Variants in ETFB observed in about 807,000 individuals in gnomAD.
The protein encoded by ETFB is beta-ETF.
A neutral mutation model predicts 25.6 loss-of-function variants in ETFB; 20 were observed. The ratio of observed to expected loss-of-function variants is 0.78; its 90% CI spans 0.55 to 1.14. ETFB has a LOEUF of 1.14. Ranked by LOEUF, ETFB falls within the 50% of genes most tolerant of loss-of-function variation. The probability of loss-of-function intolerance (pLI) is 0.00; values close to 1 mark genes in which losing one functional copy is unlikely to be tolerated. For synonymous variants in ETFB, 142 were observed against 146.7 expected, an observed-to-expected ratio of 0.97 and a Z score of 0.23; for missense variants, 286 against 342.6, an observed-to-expected ratio of 0.83 and a Z score of 1.30.
chr19:51,360,367 A>G (rs1254974771), intron 1 of ETFB, among the ~76,000 whole-genome samples: 5 of 151,292 alleles, frequency 3.3e-5, no homozygotes, highest in Non-Finnish European at 7.4e-5. Flanking sequence ...ACATCAATGC[A>G]CTCCAGCCTG....
chr19:51,361,309 C>T (rs556965125), intron 1 of ETFB, among the ~76,000 whole-genome samples: 2 of 152,272 alleles, frequency 1.3e-5, no homozygotes, highest in Admixed American at 6.5e-5. Context: ...GTGGTTCTGT[C>T]CTCTAGGCTT....
In ETFB at chr19:51,354,296, G is replaced by C. The variant is rs1241346242; in HGVS notation, c.70C>G (p.Pro24Ala). ...TCCGTGACCACACCGGTCCTGTCAGGCTTCACTCGGATCTGCCCAGCAGGA... is the reference window on the plus strand; with the variant it reads ...TCCGTGACCACACCGGTCCTGTCAGCCTTCACTCGGATCTGCCCAGCAGGA... ...IDYAVKIRVK[P>A]DRTGVVTDGV... is the part of the protein sequence containing the mutation. Residue 24 changes from proline to alanine, a missense_variant, in exon 2 of 6, where the codon CCT becomes GCT. Coordinates refer to ENST00000309244, the MANE Select transcript of ETFB (RefSeq NM_001985.3). 6.2e-7 allele frequency: 1 copy of C among 1,614,180 alleles called. No individual in the cohort carries two copies. Among genetic ancestry groups the C allele is most frequent in the Non-Finnish European group, 8.5e-7 (1 of 1,180,048 alleles).
intron 4 of ETFB, 34 bp downstream of exon 4, chr19:51,350,295 G>C: frequency 3.1e-6 from 5 of 1,599,178 alleles, no homozygotes; most frequent in Non-Finnish European, 3.4e-6. Context: ...ATGAGGGCCT[G>C]GCCCTCAGCA....
In ETFB at chr19:51,366,302, C is replaced by T. The variant is rs1442687835; in HGVS notation, c.25G>A (p.Ala9Thr). ...GCGTAGTCGATGACCCTCTTGACAG[C>T]TACGAGCACGCGCAGCTCCGCCATC... MAELRVLVAVKRVIDYAVK... is the reference protein window; with the variant it reads MAELRVLVTVKRVIDYAVK... The change falls in exon 1 of 6, where the codon GCT (alanine) becomes ACT (threonine). Residue 9 changes from alanine to threonine, a missense_variant. Coordinates refer to ENST00000309244, the MANE Select transcript of ETFB (RefSeq NM_001985.3). 6.2e-7 allele frequency: 1 copy of T among 1,613,696 alleles called. No homozygotes were observed. Among genetic ancestry groups the T allele is most frequent in the East Asian group, 2.2e-5 (1 of 44,870 alleles).
At chr19:51,363,383 A>T (rs1261580001) in intron 1 of ETFB, among the ~76,000 whole-genome samples, 1 of 152,172 alleles carries the variant, frequency 6.6e-6, no homozygotes, top group Non-Finnish European at 1.5e-5. Flanking sequence ...GGATATACCA[A>T]GGCAACCTGA....
intron 1 of ETFB, 54 bp from the exon 2 acceptor site, chr19:51,354,362 G>T: frequency 6.2e-7 from 1 of 1,614,154 alleles, no homozygotes; most frequent in Non-Finnish European, 8.5e-7. Context: ...CAAGAAGGTG[G>T]GGGCCTCAGC....
chr19:51,345,624 G>A (rs983527355), intron 5 of ETFB: 16 of 563,042 alleles, frequency 2.8e-5, no homozygotes, highest in African/African-American at 1.1e-4. Context: ...ACCAAATCAG[G>A]AAGCCCTTCA....
At chr19:51,347,605 C>T (rs913562678) in intron 4 of ETFB, 1 of 156,076 alleles carries the variant, frequency 6.4e-6, no homozygotes, top group Non-Finnish European at 1.4e-5. Context: ...CGTCCTCTAG[C>T]CAGGTCCCTT....
At chr19:51,351,353 A>G (rs1985929460) in intron 3 of ETFB, among the ~76,000 whole-genome samples, 3 of 152,362 alleles carry the variant, frequency 2.0e-5, no homozygotes, top group East Asian at 3.9e-4. Context: ...TACAGCTCAT[A>G]TGTGACCCTG....
At chr19:51,353,054 G>C (rs1297025769) in intron 3 of ETFB, 78 bp downstream of exon 3, 1 of 1,581,744 alleles carries the variant, frequency 6.3e-7, no homozygotes, top group Non-Finnish European at 8.6e-7. Flanking sequence ...GCCAGCTGCT[G>C]TCTCACCCCG....
chr19:51,354,873 C>T, intron 1 of ETFB: 1 of 510,674 alleles, frequency 2.0e-6, no homozygotes, highest in South Asian at 2.2e-5. Flanking sequence ...GGAAAAGTTC[C>T]CTCCCCTTTT....
chr19:51,354,999 C>G (rs1986042660), intron 1 of ETFB: 4 of 293,464 alleles, frequency 1.4e-5, no homozygotes, highest in South Asian at 7.4e-5. Flanking sequence ...TGCCTAAAGA[C>G]GTACCCACAA....
intron 4 of ETFB, chr19:51,347,607 A>G (rs539333329): frequency 9.8e-4 from 153 of 156,046 alleles, no homozygotes; most frequent in Non-Finnish European, 1.7e-3. Flanking sequence ...TCCTCTAGCC[A>G]GGTCCCTTTG....
intron 1 of ETFB, among the ~76,000 whole-genome samples, chr19:51,364,433 C>T (rs752202677): frequency 3.3e-5 from 5 of 152,176 alleles, no homozygotes; most frequent in Non-Finnish European, 7.3e-5. Flanking sequence ...GCGGCCTTCA[C>T]GCTTCCCCTC....
intron 1 of ETFB, among the ~76,000 whole-genome samples, chr19:51,363,257 C>T (rs1239522278): frequency 6.6e-6 from 1 of 151,972 alleles, no homozygotes; most frequent in African/African-American, 2.4e-5. Flanking sequence ...CTGCAGGGAG[C>T]TACCAGCCTG....
At chr19:51,355,294 A>G (rs1336761775) in intron 1 of ETFB, 1 of 152,490 alleles carries the variant, frequency 6.6e-6, no homozygotes, top group Non-Finnish European at 1.5e-5. Flanking sequence ...ATATGAATAG[A>G]CACTTCTCAA....
intron 1 of ETFB, among the ~76,000 whole-genome samples, chr19:51,363,012 C>T (rs552266501): frequency 2.6e-5 from 4 of 152,324 alleles, no homozygotes; most frequent in South Asian, 2.1e-4. Flanking sequence ...ACTCCCTCCA[C>T]TCAGTTAGGT....
chr19:51,362,160 C>T (rs1436103767), intron 1 of ETFB, among the ~76,000 whole-genome samples: 2 of 85,668 alleles, frequency 2.3e-5, no homozygotes, highest in African/African-American at 9.9e-5. Flanking sequence ...GCCGGACACA[C>T]ATACACACAC....
rs759897705 is a variant in ETFB, at chr19:51,366,263, C to G, written c.57+7G>C. The G allele has an allele frequency of 5.6e-6, 9 of 1,613,598 alleles. No homozygotes were observed. Among genetic ancestry groups the G allele is most frequent in the Non-Finnish European group, 7.6e-6 (9 of 1,179,712 alleles). On this transcript the variant is annotated splice_region_variant and intron_variant, in intron 1 of 5. Transcript: ENST00000309244. The stretch of plus-strand genomic sequence containing the variant: ...CTCAGGGATGTGGGAGAGGGGGGCC[C>G]GATCACCTTCACGGCGTAGTCGATG...
Sources: allele counts gnomAD v4.1 joint callset (sites outside exome capture counted in the v4.1 genomes callset), GRCh38; gene constraint gnomAD v4.1.1; transcripts MANE v1.5; gene names NCBI Gene and HGNC (gene_info 2026-07-23, HGNC 2026-07-21).